Variants in WWOX observed in about 807,000 individuals in gnomAD.
WWOX encodes WW domain-containing oxidoreductase.
A neutral mutation model predicts 46.2 loss-of-function variants in WWOX; 69 were observed. The ratio of observed to expected loss-of-function variants is 1.49; its 90% CI spans 1.23 to 1.82. The LOEUF is 1.82. WWOX is among the 40% of genes most tolerant of loss of function. The pLI is 0.00. For missense variants in WWOX, 919 were observed against 542.6 expected, an observed-to-expected ratio of 1.69 and a Z score of -6.89; for synonymous variants, 359 against 202.6, an observed-to-expected ratio of 1.77 and a Z score of -6.56.
chr16:78,741,174 C>A (rs2049217136), intron 8 of WWOX, among the ~76,000 whole-genome samples: 1 of 152,172 alleles, frequency 6.6e-6, no homozygotes, highest in African/African-American at 2.4e-5. Context: ...GTGACAGAGA[C>A]CATTTATCCC....
At chr16:79,113,437 C>G (rs759972603) in intron 8 of WWOX, among the ~76,000 whole-genome samples, 7 of 152,240 alleles carry the variant, frequency 4.6e-5, no homozygotes, top group African/African-American at 7.2e-5. Context: ...CATTCACATC[C>G]AGGCACTTCT....
chr16:78,212,573 G>A (rs1018700247), intron 5 of WWOX, among the ~76,000 whole-genome samples: 2 of 152,126 alleles, frequency 1.3e-5, no homozygotes, highest in Admixed American at 1.3e-4. Context: ...GTTCACCTAG[G>A]TCCCCTTCAT....
intron 6 of WWOX, among the ~76,000 whole-genome samples, chr16:78,406,311 T>TATATAA (rs2082536149): frequency 2.7e-5 from 1 of 36,928 alleles, no homozygotes; most frequent in African/African-American, 3.3e-4. Context: ...TAAATATATA[T>TATATAA]ATATATATAT....
chr16:78,860,421 A>G (rs767021784), intron 8 of WWOX, among the ~76,000 whole-genome samples: 2 of 152,180 alleles, frequency 1.3e-5, no homozygotes, highest in Non-Finnish European at 2.9e-5. Context: ...AGTATATAGT[A>G]GGCAGTCAAT....
In WWOX at chr16:79,018,780, G is replaced by A. The variant is rs558033063; in HGVS notation, c.1057-192828G>A. On this transcript the variant is annotated intron_variant, in intron 8 of 8. Coordinates refer to ENST00000566780, the MANE Select transcript of WWOX (RefSeq NM_016373.4). The stretch of plus-strand genomic sequence containing the variant: ...GGCAAGTGGTTCTGTGCTAAATACA[G>A]TGCTTTGAAATTTTTGTTCCCCATA... Among the ~76,000 whole-genome samples the A allele has an allele frequency of 6.6e-5, 10 of 152,258 alleles. No individual in the cohort carries two copies. The East Asian group carries it at 1.7e-3, about 26-fold the overall frequency.
intron 5 of WWOX, among the ~76,000 whole-genome samples, chr16:78,175,594 A>G (rs943791751): frequency 5.9e-5 from 9 of 152,122 alleles, no homozygotes; most frequent in Admixed American, 5.2e-4. Context: ...CAAGGAATTG[A>G]GGCCACCAGC....
chr16:79,027,585 G>C (rs2151391540), intron 8 of WWOX, among the ~76,000 whole-genome samples: 1 of 151,864 alleles, frequency 6.6e-6, no homozygotes, highest in African/African-American at 2.4e-5. Flanking sequence ...TTGGACCTCT[G>C]ACCTGAATTA....
Position 78,386,786 on chromosome 16 carries a change from C to T in WWOX, c.517-74C>T, listed in dbSNP as rs144948766. 8.5e-6 allele frequency: 11 copies of T among 1,301,328 alleles called. No homozygotes were observed. The East Asian group carries it at 2.3e-4, about 27-fold the overall frequency. The allele number at this position is 1,301,328 out of a possible 1,614,324, so 80.6% of individuals were successfully genotyped here. A position where few individuals can be genotyped will look rare whatever the true frequency, so the allele number is the denominator to read the frequency against. ...GGGAATTCCGACATGTTCCATAACACATTTACTGTAACTTGATACCATGAA... is the reference window on the plus strand; with the variant it reads ...GGGAATTCCGACATGTTCCATAACATATTTACTGTAACTTGATACCATGAA... On this transcript the variant is annotated intron_variant, in intron 5 of 8. Transcript: ENST00000566780.
chr16:78,282,534 A>T (rs533414845), intron 5 of WWOX, among the ~76,000 whole-genome samples: 5 of 152,180 alleles, frequency 3.3e-5, no homozygotes, highest in Admixed American at 3.3e-4. Flanking sequence ...CACTGATTTG[A>T]TGGGGGTCAG....
chr16:79,054,887 T>C (rs373044857), intron 8 of WWOX, among the ~76,000 whole-genome samples: 11 of 152,296 alleles, frequency 7.2e-5, no homozygotes, highest in African/African-American at 2.6e-4. Flanking sequence ...AATTGTGTTA[T>C]AAAAGGCAGT....
In WWOX at chr16:78,590,024, C is replaced by G. The variant is rs546623999; in HGVS notation, c.1056+157272C>G. ...AAATTTTGTGTTGCTTCTTACGTGT[C>G]ACGCACTGTGATAAGTCCTAGGATT... is the stretch of plus-strand genomic sequence containing the variant. On this transcript the variant is annotated intron_variant, in intron 8 of 8. Coordinates refer to ENST00000566780, the MANE Select transcript of WWOX (RefSeq NM_016373.4). 7.9e-5 allele frequency among the ~76,000 whole-genome samples: 12 copies of G among 152,240 alleles called. No homozygotes were observed. In the South Asian group the frequency reaches 2.5e-3, roughly 32 times the overall value.
chr16:79,183,778 C>G (rs1268689514), intron 8 of WWOX, among the ~76,000 whole-genome samples: 1 of 152,202 alleles, frequency 6.6e-6, no homozygotes, highest in Admixed American at 6.5e-5. Context: ...GTTAAATCAT[C>G]TGCCCTAGGT....
intron 8 of WWOX, among the ~76,000 whole-genome samples, chr16:78,570,609 C>G (rs972068547): frequency 3.4e-4 from 52 of 152,246 alleles, no homozygotes; most frequent in African/African-American, 1.1e-3. Context: ...CCACGAAGCC[C>G]AGCTGCTGCA....
rs1263423931 is a variant in WWOX, at chr16:78,422,680, TATATACACAC to T, written c.606-2188_606-2179del. Among the ~76,000 whole-genome samples the T allele has an allele frequency of 4.1e-4, 31 of 75,144 alleles. 4 individuals are homozygous for T. Among genetic ancestry groups the T allele is most frequent in the African/African-American group, 2.2e-3 (29 of 13,030 alleles). The allele number at this position is 75,144 out of a possible 152,430, so 49.3% of individuals were successfully genotyped here. On this transcript the variant is annotated intron_variant, in intron 6 of 8. Coordinates refer to ENST00000566780, the MANE Select transcript of WWOX (RefSeq NM_016373.4). ...TTTTACATGTATATATATATATATA[TATATACACAC>T]ACACACACACATATATATATACACA...
At chr16:78,464,352 A>T (rs113025934) in intron 8 of WWOX, among the ~76,000 whole-genome samples, 2,633 of 151,122 alleles carry the variant, frequency 0.017, 93 homozygotes, top group African/African-American at 0.062. Flanking sequence ...AGAGAGAAGG[A>T]GGAAGAGAGG....
chr16:79,207,904 T>A (rs571060380), intron 8 of WWOX, among the ~76,000 whole-genome samples: 2 of 152,186 alleles, frequency 1.3e-5, no homozygotes, highest in African/African-American at 2.4e-5. Flanking sequence ...CTAGCAGTTA[T>A]CAAATGAATG....
At chr16:78,741,619 C>G (rs144466021) in intron 8 of WWOX, among the ~76,000 whole-genome samples, 3 of 152,022 alleles carry the variant, frequency 2.0e-5, no homozygotes, top group Non-Finnish European at 4.4e-5. Flanking sequence ...CTTTGGGAGG[C>G]TGAGGTGGGT....
intron 8 of WWOX, among the ~76,000 whole-genome samples, chr16:78,753,661 G>A (rs1439481348): frequency 5.9e-5 from 9 of 151,342 alleles, no homozygotes; most frequent in Non-Finnish European, 1.0e-4. Context: ...AATTAGCTGG[G>A]CATTGTGGTA....
intron 8 of WWOX, among the ~76,000 whole-genome samples, chr16:78,965,482 A>G (rs1000365795): frequency 6.6e-6 from 1 of 151,930 alleles, no homozygotes; most frequent in Non-Finnish European, 1.5e-5. Flanking sequence ...AGGCAGGAGA[A>G]TCACTTGAAC....
Sources: allele counts gnomAD v4.1 joint callset (sites outside exome capture counted in the v4.1 genomes callset), GRCh38; gene constraint gnomAD v4.1.1; transcripts MANE v1.5; gene names NCBI Gene and HGNC (gene_info 2026-07-23, HGNC 2026-07-21).